PPP1R12A: variants seen among roughly 807,000 people sequenced by gnomAD.
The protein encoded by PPP1R12A is myosin binding subunit.
PPP1R12A carries 19 observed loss-of-function variants against 139.6 expected under a neutral mutation model. The observed-to-expected ratio is 0.14, with a 90% confidence interval of 0.09 to 0.20. The LOEUF (loss-of-function observed/expected upper bound fraction) is 0.20. Ranked by LOEUF, PPP1R12A falls within the 10% of genes least tolerant of loss-of-function variation. The pLI, the probability that PPP1R12A is intolerant of heterozygous loss-of-function variation, is 1.00. For missense variants in PPP1R12A, 925 were observed against 1,211.5 expected (o/e 0.76, Z 3.51); for synonymous variants, 427 against 420.6 (o/e 1.02, Z -0.19).
At position 79,934,859 on chromosome 12, in the gene PPP1R12A, C is replaced by G; in HGVS notation, c.73G>C (p.Glu25Gln). 1 of 1,611,788 alleles carries G rather than the reference C, an allele frequency of 6.2e-7. No homozygotes were observed. Among genetic ancestry groups the G allele is most frequent in the South Asian group, 1.1e-5 (1 of 90,472 alleles). Reference sequence around the variant, plus strand: ...TTCTGGCGCTTCACCACCGGAGGCTCGAGGTCCGTCTCGGAGCCGATCCAG... The same window carrying G: ...TTCTGGCGCTTCACCACCGGAGGCTGGAGGTCCGTCTCGGAGCCGATCCAG... ...KRWIGSETDL[E>Q]PPVVKRQKTK... The change falls in exon 1 of 25, where the codon GAG becomes CAG. Residue 25 changes from glutamate to glutamine, a missense_variant. Transcript: ENST00000450142.
intron 14 of PPP1R12A, among the ~76,000 whole-genome samples, chr12:79,803,191 A>G (rs1389518351): frequency 6.6e-6 from 1 of 152,276 alleles, no homozygotes; most frequent in Non-Finnish European, 1.5e-5. Flanking sequence ...AATTTGTAAT[A>G]TAAACACATT....
At chr12:79,826,390 G>A (rs939774354) in intron 5 of PPP1R12A, among the ~76,000 whole-genome samples, 3 of 120,170 alleles carry the variant, frequency 2.5e-5, no homozygotes, top group African/African-American at 6.6e-5. Flanking sequence ...GCCCACTGCT[G>A]TGCAGTGCCA....
chr12:79,904,529 AC>A (rs1202602396), intron 1 of PPP1R12A, among the ~76,000 whole-genome samples: 3 of 152,042 alleles, frequency 2.0e-5, no homozygotes, highest in Non-Finnish European at 4.4e-5. Context: ...TATGACGAAA[AC>A]CTTGCTGCAG....
At chr12:79,875,493 T>A (rs1883011805) in intron 1 of PPP1R12A, among the ~76,000 whole-genome samples, 1 of 152,194 alleles carries the variant, frequency 6.6e-6, no homozygotes. Flanking sequence ...GTAAATGAAC[T>A]AATTAGCTCC....
rs1431153577 is a variant in PPP1R12A at position 79,807,237 on chromosome 12, C to T, written c.1644G>A (p.Thr548=). The T allele has an allele frequency of 9.9e-6, 15 of 1,520,294 alleles. No individual in the cohort carries two copies. Among genetic ancestry groups the T allele is most frequent in the African/African-American group, 1.4e-5 (1 of 72,488 alleles). 94.2% of individuals were successfully genotyped at this position (1,520,294 alleles called of 1,614,324 possible). A position where few individuals can be genotyped will look rare whatever the true frequency, so the allele number is the denominator to read the frequency against. The part of the protein sequence containing the change: ...KKNSSVNEGS[T]YHKSCSFGRR... ...AATAGTATTATTACCTTTTATGATACGTTGATCCTTCATTAACTGAGCTAT... is the reference window on the plus strand; with the variant it reads ...AATAGTATTATTACCTTTTATGATATGTTGATCCTTCATTAACTGAGCTAT... The change falls in exon 12 of 25, where the codon ACG becomes ACA. Residue 548 remains threonine (T), a synonymous_variant. Coordinates refer to ENST00000450142, the MANE Select transcript of PPP1R12A (RefSeq NM_002480.3).
chr12:79,923,830 G>A (rs1887628935), intron 1 of PPP1R12A, among the ~76,000 whole-genome samples: 1 of 152,060 alleles, frequency 6.6e-6, no homozygotes, highest in Non-Finnish European at 1.5e-5. Context: ...ATCACCTGAG[G>A]TCAGGAGTTT....
At chr12:79,780,238 A>C (rs1370879570) in intron 23 of PPP1R12A, 1 of 151,654 alleles carries the variant, frequency 6.6e-6, no homozygotes, top group Non-Finnish European at 1.5e-5. Flanking sequence ...AAAAAAAAAC[A>C]CAAGGAAAAA....
chr12:79,783,781 A>G (rs532171053), intron 22 of PPP1R12A, among the ~76,000 whole-genome samples: 1 of 152,336 alleles, frequency 6.6e-6, no homozygotes, highest in East Asian at 1.9e-4. Flanking sequence ...GTGGTTTGCC[A>G]ATTTCATTGA....
Position 79,774,665 on chromosome 12 carries a change from A to T in PPP1R12A, c.*1264T>A, listed in dbSNP as rs1869551494. ...AAAAAAAAGGCCACTGAAATGTATA[A>T]AATGGTCTGAACATGATGGTGGTAT... On this transcript the variant is annotated 3_prime_UTR_variant, in exon 25 of 25. Coordinates refer to ENST00000450142, the MANE Select transcript of PPP1R12A (RefSeq NM_002480.3). 1 of 149,302 alleles carries T rather than the reference A, an allele frequency of 6.7e-6. No homozygotes were observed. The highest frequency in any genetic ancestry group is 2.0e-4 in the East Asian group (1 of 5,076). The allele number at this position is 149,302 out of a possible 1,614,324, so 9.2% of individuals were successfully genotyped here.
At chr12:79,893,624 G>A (rs897218514) in intron 1 of PPP1R12A, among the ~76,000 whole-genome samples, 5 of 152,184 alleles carry the variant, frequency 3.3e-5, no homozygotes, top group African/African-American at 1.2e-4. Flanking sequence ...ACTGTGATCA[G>A]AGAAATTTTT....
chr12:79,923,969 G>T (rs1256453802), intron 1 of PPP1R12A, among the ~76,000 whole-genome samples: 1 of 152,084 alleles, frequency 6.6e-6, no homozygotes, highest in Non-Finnish European at 1.5e-5. Context: ...ACTTGAACCT[G>T]GGAGGCGGCG....
intron 2 of PPP1R12A, among the ~76,000 whole-genome samples, chr12:79,859,754 T>C (rs1474310756): frequency 6.6e-6 from 1 of 151,762 alleles, no homozygotes; most frequent in African/African-American, 2.4e-5. Flanking sequence ...AAATAAAAAA[T>C]AAAAATAAAA....
intron 19 of PPP1R12A, 175 bp downstream of exon 19, chr12:79,793,688 G>T (rs182726815): frequency 6.2e-5 from 32 of 520,070 alleles, no homozygotes; most frequent in African/African-American, 5.8e-4. Flanking sequence ...ATTATTTTGT[G>T]ACCCTTCCCA....
In PPP1R12A at chr12:79,842,008, A is replaced by T. The variant is rs946126706; in HGVS notation, c.487+3294T>A. ...TATTTTCTCAGTTTTCATGCTTAAG[A>T]TAGTTTTTTTTTTAAACAAACCCAC... On this transcript the variant is annotated intron_variant, in intron 3 of 24. Transcript: ENST00000450142. 5.4e-5 allele frequency among the ~76,000 whole-genome samples: 8 copies of T among 147,532 alleles called. No individual in the cohort carries two copies. The East Asian group carries it at 5.8e-4, about 11-fold the overall frequency.
intron 3 of PPP1R12A, among the ~76,000 whole-genome samples, chr12:79,835,592 C>T (rs529785125): frequency 6.6e-6 from 1 of 152,192 alleles, no homozygotes; most frequent in East Asian, 1.9e-4. Context: ...TAACTCATTC[C>T]GTCTTTAGTC....
At chr12:79,866,987 A>C (rs1367402668) in intron 2 of PPP1R12A, among the ~76,000 whole-genome samples, 1 of 152,262 alleles carries the variant, frequency 6.6e-6, no homozygotes, top group East Asian at 1.9e-4. Context: ...CCAAAGGATT[A>C]TAAATCATCC....
intron 2 of PPP1R12A, among the ~76,000 whole-genome samples, chr12:79,857,133 G>A (rs12827466): frequency 5.4e-4 from 82 of 151,852 alleles, no homozygotes; most frequent in Non-Finnish European, 7.9e-4. Flanking sequence ...ACATGCACAC[G>A]TATGTTTATT....
intron 1 of PPP1R12A, among the ~76,000 whole-genome samples, chr12:79,884,621 A>C (rs1163407044): frequency 6.6e-6 from 1 of 152,186 alleles, no homozygotes; most frequent in Non-Finnish European, 1.5e-5. Flanking sequence ...TGCTGACTTA[A>C]ATTTCTGACT....
Position 79,797,295 on chromosome 12 carries a change from T to C in PPP1R12A, c.2192A>G (p.Glu731Gly), listed in dbSNP as rs905085292. The C allele has an allele frequency of 5.0e-6, 8 of 1,590,894 alleles. No homozygotes were observed. The highest frequency in any genetic ancestry group is 6.9e-6 in the Non-Finnish European group (8 of 1,167,018). ...TTTCTCTTTATCTTGTTTCTCTTTT[T>C]CCTCTTTTTCTTTTTCTTCATTTTC... ...EQENEEKEKEEKEKQDKEKQE... is the reference protein window; with the variant it reads ...EQENEEKEKEGKEKQDKEKQE... Residue 731 changes from glutamate (E) to glycine (G), a missense_variant, in exon 16 of 25, where the codon GAA becomes GGA. Glu to Gly is a moderately conservative substitution (Grantham distance 98). Transcript: ENST00000450142.
Sources: gnomAD v4.1 joint callset for allele counts (sites outside exome capture counted in the v4.1 genomes callset) on GRCh38, gnomAD v4.1.1 for gene constraint, MANE v1.5 for transcripts, NCBI Gene and HGNC (gene_info 2026-07-23, HGNC 2026-07-21) for gene names.